The following DAPK1 variants were observed in gnomAD, a reference collection of about 807,000 sequenced individuals.
DAPK1 encodes the protein death associated protein kinase 1, also known as death-associated protein kinase 1.
In DAPK1, 56 loss-of-function variants were observed where a neutral mutation model predicts 144.9. The ratio of observed to expected loss-of-function variants is 0.39; its 90% confidence interval spans 0.31 to 0.48. The LOEUF is 0.48. Ranked by LOEUF, DAPK1 falls within the 20% of genes least tolerant of loss-of-function variation. DAPK1 has a pLI of 0.95. For missense variants in DAPK1, 1,454 were observed against 1,875.4 expected (o/e 0.78, Z 4.15); for synonymous variants, 690 against 749.0 (o/e 0.92, Z 1.29).
chr9:87,666,225 C>T (rs1385198932), intron 18 of DAPK1, among the ~76,000 whole-genome samples: 1 of 152,086 alleles, frequency 6.6e-6, no homozygotes, highest in African/African-American at 2.4e-5. Flanking sequence ...AGGGAGGGTG[C>T]CATTTTCCAT....
Position 87,545,865 on chromosome 9 carries a change from AG to A in DAPK1, c.62+46730del, listed in dbSNP as rs1403620153. ...TGGCCACATTTCAGCCTTAAAATAAAGGGGTTCATCTGATTGTCTCATCAGT... is the reference window on the plus strand; with the variant it reads ...TGGCCACATTTCAGCCTTAAAATAAAGGGTTCATCTGATTGTCTCATCAGT... On this transcript the variant is annotated intron_variant, in intron 2 of 25. Transcript: ENST00000408954. Among the ~76,000 whole-genome samples, 7 of 152,304 alleles carry A rather than the reference AG, an allele frequency of 4.6e-5. No individual in the cohort carries two copies. The South Asian group carries it at 6.2e-4, about 14-fold the overall frequency.
intron 2 of DAPK1, among the ~76,000 whole-genome samples, chr9:87,546,797 C>T (rs748878004): frequency 1.3e-5 from 2 of 152,064 alleles, no homozygotes; most frequent in Non-Finnish European, 2.9e-5. Flanking sequence ...TAACAGAGGA[C>T]TCCGATGACG....
intron 16 of DAPK1, 98 bp from the exon 17 acceptor site, chr9:87,651,429 G>A (rs181484681): frequency 1.7e-6 from 2 of 1,173,454 alleles, no homozygotes; most frequent in East Asian, 2.3e-5. Context: ...TGATCTTGTT[G>A]CCAATTAAAC....
intron 3 of DAPK1, among the ~76,000 whole-genome samples, chr9:87,626,851 G>C (rs1012333501): frequency 6.6e-6 from 1 of 152,082 alleles, no homozygotes; most frequent in Non-Finnish European, 1.5e-5. Context: ...TTCTTAAAAT[G>C]TACATAAAAC....
intron 2 of DAPK1, among the ~76,000 whole-genome samples, chr9:87,548,944 TTTTAAC>T (rs1826369650): frequency 7.1e-6 from 1 of 140,884 alleles, no homozygotes; most frequent in African/African-American, 2.5e-5. Context: ...TTTTTTTGGC[TTTTAAC>T]TTTTAAGTTC....
rs373458313 is a variant in DAPK1, at chr9:87,658,017, C to A, written c.1825-12C>A. On this transcript the variant is annotated splice_polypyrimidine_tract_variant and intron_variant, in intron 17 of 25. Transcript: ENST00000408954. ...AGAAGAACGACCTTTGGCCTTTTTTCTCTCTTCCCAGTATGGGCGAACGCC... is the reference window on the plus strand; with the variant it reads ...AGAAGAACGACCTTTGGCCTTTTTTATCTCTTCCCAGTATGGGCGAACGCC... 448 of 1,110,352 alleles carry A rather than the reference C, an allele frequency of 4.0e-4. 2 individuals are homozygous for A. The highest frequency in any genetic ancestry group is 3.4e-3 in the South Asian group (270 of 78,870). The allele number at this position is 1,110,352 out of a possible 1,614,324, so 68.8% of individuals were successfully genotyped here.
chr9:87,504,456 G>C (rs919266385), intron 2 of DAPK1, among the ~76,000 whole-genome samples: 1 of 152,172 alleles, frequency 6.6e-6, no homozygotes, highest in African/African-American at 2.4e-5. Flanking sequence ...AGGGGGCCAG[G>C]AACAGAGTAG....
In DAPK1 at chr9:87,691,774, T is replaced by A. The variant is rs542974560; in HGVS notation, c.2413+5035T>A. On this transcript the variant is annotated intron_variant, in intron 21 of 25. Coordinates refer to ENST00000408954, the MANE Select transcript of DAPK1 (RefSeq NM_004938.4). ...TCAGGAGCATGTTGTTTACTTTCCA[T>A]GTATTTGTACAGTTTCCAAAGTTCC... is the stretch of plus-strand genomic sequence containing the variant. Among the ~76,000 whole-genome samples, 104 of 152,294 alleles carry A rather than the reference T, an allele frequency of 6.8e-4. 1 individual carries two copies. The highest frequency in any genetic ancestry group is 1.9e-3 in the African/African-American group (81 of 41,588).
intron 2 of DAPK1, among the ~76,000 whole-genome samples, chr9:87,535,819 G>A (rs1825843030): frequency 6.6e-6 from 1 of 152,140 alleles, no homozygotes; most frequent in Non-Finnish European, 1.5e-5. Context: ...TAATATGTTT[G>A]TATGTAAGAG....
At chr9:87,523,863 C>G (rs1825392038) in intron 2 of DAPK1, among the ~76,000 whole-genome samples, 1 of 152,174 alleles carries the variant, frequency 6.6e-6, no homozygotes, top group Non-Finnish European at 1.5e-5. Flanking sequence ...TTTCCAGGAG[C>G]TCTTGTGAGC....
intron 24 of DAPK1, chr9:87,701,837 A>G (rs1825466515): frequency 2.1e-6 from 1 of 469,308 alleles, no homozygotes; most frequent in Admixed American, 2.4e-5. Context: ...TGTCTCCAGA[A>G]AACCCTGCCC....
intron 2 of DAPK1, among the ~76,000 whole-genome samples, chr9:87,557,697 T>A (rs2118624050): frequency 6.6e-6 from 1 of 152,300 alleles, no homozygotes; most frequent in Admixed American, 6.5e-5. Flanking sequence ...TCACAGCACT[T>A]TGGGAGGCCA....
intron 2 of DAPK1, among the ~76,000 whole-genome samples, chr9:87,569,862 A>G (rs1355517400): frequency 6.6e-6 from 1 of 152,232 alleles, no homozygotes; most frequent in African/African-American, 2.4e-5. Flanking sequence ...GACTTCAGAA[A>G]ACAACTTTCA....
chr9:87,540,468 G>A (rs10780855), intron 2 of DAPK1, among the ~76,000 whole-genome samples: 46,746 of 151,996 alleles, frequency 0.31, 7,473 homozygotes, highest in Middle Eastern at 0.43. Flanking sequence ...TGAGGTTACC[G>A]GCATGAGCCG....
intron 2 of DAPK1, among the ~76,000 whole-genome samples, chr9:87,518,105 G>GT (rs1178414186): frequency 0.03 from 1,058 of 35,568 alleles, 15 homozygotes; most frequent in East Asian, 0.14. Context: ...TTATGTTGTT[G>GT]TTTTTTTTTT....
chr9:87,517,794 G>A (rs1241485211), intron 2 of DAPK1, among the ~76,000 whole-genome samples: 2 of 152,178 alleles, frequency 1.3e-5, no homozygotes, highest in Non-Finnish European at 2.9e-5. Context: ...TAAAATGGCT[G>A]TTTCCTTTCC....
intron 3 of DAPK1, among the ~76,000 whole-genome samples, chr9:87,624,273 G>A (rs1278095312): frequency 1.3e-5 from 2 of 152,222 alleles, no homozygotes; most frequent in Non-Finnish European, 2.9e-5. Flanking sequence ...TGACTGACAA[G>A]GTAGTGCTGG....
intron 20 of DAPK1, among the ~76,000 whole-genome samples, chr9:87,684,818 G>C (rs1190775952): frequency 6.6e-6 from 1 of 152,172 alleles, no homozygotes; most frequent in Non-Finnish European, 1.5e-5. Flanking sequence ...CTGGGATTTC[G>C]GTGCTTCCCC....
chr9:87,625,698 A>G (rs565253687), intron 3 of DAPK1, among the ~76,000 whole-genome samples: 29 of 152,354 alleles, frequency 1.9e-4, no homozygotes, highest in Non-Finnish European at 3.8e-4. Flanking sequence ...TACTTTGCCC[A>G]GGGCCACACA....
Sources: allele counts gnomAD v4.1 joint callset (sites outside exome capture counted in the v4.1 genomes callset), GRCh38; gene constraint gnomAD v4.1.1; transcripts MANE v1.5; gene names NCBI Gene and HGNC (gene_info 2026-07-23, HGNC 2026-07-21).